The following SLC16A7 variants were observed in gnomAD, a reference collection of about 807,000 sequenced individuals.
The protein encoded by SLC16A7 is solute carrier family 16 member 7.
In SLC16A7, 33 loss-of-function variants were observed where a neutral mutation model predicts 34.9. The ratio of observed to expected loss-of-function variants is 0.94; its 90% CI spans 0.72 to 1.26. The LOEUF (loss-of-function observed/expected upper bound fraction) is 1.26, where lower values mean the gene tolerates loss of function less well. Ranked by LOEUF, SLC16A7 falls within the 50% of genes most tolerant of loss-of-function variation. The pLI, the probability that SLC16A7 is intolerant of heterozygous loss-of-function variation, is 0.00. For missense variants in SLC16A7, 573 were observed against 578.1 expected, an observed-to-expected ratio of 0.99 and a Z score of 0.09; for synonymous variants, 201 against 206.6, an observed-to-expected ratio of 0.97 and a Z score of 0.23.
chr12:59,639,741 T>G (rs1164817840), intron 1 of SLC16A7, among the ~76,000 whole-genome samples: 1 of 152,080 alleles, frequency 6.6e-6, no homozygotes, highest in South Asian at 2.1e-4. Flanking sequence ...TATATGATAA[T>G]TTTTCCCTTG....
intron 2 of SLC16A7, among the ~76,000 whole-genome samples, chr12:59,685,958 A>G (rs1427386822): frequency 6.6e-6 from 1 of 152,090 alleles, no homozygotes; most frequent in Non-Finnish European, 1.5e-5. Flanking sequence ...GTGATTTGAG[A>G]ATATAATAAA....
rs150301271 is a variant in SLC16A7 at position 59,757,403 on chromosome 12, A to T, written c.218-13816A>T. On this transcript the variant is annotated intron_variant, in intron 3 of 5. Transcript: ENST00000547379. ...TGTATCCCAGAACTTTAATAATAAT[A>T]AAAAAAGAAGACAAAGTAGTTCCAG... Among the ~76,000 whole-genome samples, 549 of 152,178 alleles carry T rather than the reference A, an allele frequency of 3.6e-3. 4 individuals carry two copies. The highest frequency in any genetic ancestry group is 0.012 in the African/African-American group (515 of 41,534).
chr12:59,627,458 C>A (rs915569865), intron 1 of SLC16A7, among the ~76,000 whole-genome samples: 1 of 151,518 alleles, frequency 6.6e-6, no homozygotes, highest in East Asian at 1.9e-4. Flanking sequence ...ATTTATTAGT[C>A]TTTTCCTGTC....
chr12:59,694,635 C>A (rs1415685322), intron 2 of SLC16A7, among the ~76,000 whole-genome samples: 1 of 151,918 alleles, frequency 6.6e-6, no homozygotes. Flanking sequence ...ATCTATTCAT[C>A]TTGCATAATT....
intron 4 of SLC16A7, among the ~76,000 whole-genome samples, 199 bp downstream of exon 4, chr12:59,771,561 A>T (rs1436429594): frequency 6.6e-6 from 1 of 152,214 alleles, no homozygotes; most frequent in East Asian, 1.9e-4. Flanking sequence ...AAAATAAAAA[A>T]TTATCAGACA....
intron 3 of SLC16A7, among the ~76,000 whole-genome samples, chr12:59,725,631 A>C (rs950609451): frequency 1.3e-5 from 2 of 152,180 alleles, no homozygotes; most frequent in Non-Finnish European, 2.9e-5. Context: ...TTTGAAAACT[A>C]TGCTAAAGAA....
chr12:59,609,810 A>AT (rs1376608843), intron 1 of SLC16A7, among the ~76,000 whole-genome samples: 1 of 152,126 alleles, frequency 6.6e-6, no homozygotes, highest in Non-Finnish European at 1.5e-5. Context: ...TAAATATATG[A>AT]TTTTTTGGTA....
At chr12:59,756,421 AC>A (rs1450433759) in intron 3 of SLC16A7, among the ~76,000 whole-genome samples, 4 of 151,920 alleles carry the variant, frequency 2.6e-5, no homozygotes, top group Non-Finnish European at 5.9e-5. Context: ...AGAAAAACAA[AC>A]AACCCCATCA....
chr12:59,758,253 C>A (rs1406773526), intron 3 of SLC16A7, among the ~76,000 whole-genome samples: 1 of 151,836 alleles, frequency 6.6e-6, no homozygotes, highest in Non-Finnish European at 1.5e-5. Context: ...GTGTTCTTAC[C>A]ACAGTAAAAT....
intron 1 of SLC16A7, among the ~76,000 whole-genome samples, chr12:59,615,089 C>A (rs920945945): frequency 6.6e-6 from 1 of 152,016 alleles, no homozygotes; most frequent in African/African-American, 2.4e-5. Context: ...TGTCTTCAGC[C>A]ATTTCAGGAC....
chr12:59,597,130 T>G (rs1878452172), intron 1 of SLC16A7: 1 of 152,122 alleles, frequency 6.6e-6, no homozygotes, highest in African/African-American at 2.4e-5. Context: ...GATTGCAGAC[T>G]GCCTTGGAAA....
Position 59,775,104 on chromosome 12 carries a change from CA to C in SLC16A7, c.810del (p.Tyr271MetfsTer30). ...TTTGCCCCCATTATATTCTTGGCTC[CA>C]TATGCTAAAGACCAAGGAATTGATG... The part of the protein sequence containing the change: ...GFFAPIIFLA[P>X]YAKDQGIDEY... On this transcript the variant is annotated frameshift_variant, in exon 5 of 6. Coordinates refer to ENST00000547379, the MANE Select transcript of SLC16A7 (RefSeq NM_001270623.2). LOFTEE classifies it high-confidence loss of function. The C allele has an allele frequency of 6.2e-7, 1 of 1,614,078 alleles. No individual in the cohort carries two copies. The highest frequency in any genetic ancestry group is 8.5e-7 in the Non-Finnish European group (1 of 1,179,996).
At chr12:59,597,903 A>C (rs745839831) in intron 1 of SLC16A7, among the ~76,000 whole-genome samples, 1 of 152,230 alleles carries the variant, frequency 6.6e-6, no homozygotes, top group Admixed American at 6.5e-5. Context: ...AAGTGATCTG[A>C]AATTTTAACA....
chr12:59,646,707 C>T (rs1868254722), intron 1 of SLC16A7, among the ~76,000 whole-genome samples: 1 of 152,130 alleles, frequency 6.6e-6, no homozygotes, highest in Non-Finnish European at 1.5e-5. Context: ...TTGCATTGTG[C>T]ACCTGGAAAA....
intron 5 of SLC16A7, 30 bp from the exon 6 acceptor site, chr12:59,779,393 C>T: frequency 6.6e-7 from 1 of 1,508,718 alleles, no homozygotes; most frequent in Non-Finnish European, 9.0e-7. Flanking sequence ...TTTTATTATG[C>T]CAACTTAAAA....
chr12:59,643,785 A>G (rs2137009194), intron 1 of SLC16A7, among the ~76,000 whole-genome samples: 1 of 152,314 alleles, frequency 6.6e-6, no homozygotes, highest in East Asian at 1.9e-4. Flanking sequence ...CACAGCACAG[A>G]GGGAATTTTG....
At chr12:59,719,347 A>C (rs1166917976) in intron 3 of SLC16A7, among the ~76,000 whole-genome samples, 1 of 152,168 alleles carries the variant, frequency 6.6e-6, no homozygotes, top group Admixed American at 6.6e-5. Flanking sequence ...AAGAGTATGC[A>C]TTATATGAAG....
chr12:59,739,689 A>T (rs1878060149), intron 3 of SLC16A7, among the ~76,000 whole-genome samples: 1 of 152,012 alleles, frequency 6.6e-6, no homozygotes, highest in African/African-American at 2.4e-5. Flanking sequence ...ATTTCTCCAC[A>T]TCCTCTCCAG....
At position 59,787,133 on chromosome 12, in the gene SLC16A7, TTTTTA is replaced by T. The variant is rs746327717; in HGVS notation, c.*7461_*7465del. ...ACATGTCAATATCTCATTAATTCCTTTTTTATTTTATGTTCCTTTTTATTTTAGAA... is the reference window on the plus strand; with the variant it reads ...ACATGTCAATATCTCATTAATTCCTTTTTTATGTTCCTTTTTATTTTAGAA... On this transcript the variant is annotated 3_prime_UTR_variant, in exon 6 of 6. Transcript: ENST00000547379. 9 of 152,308 alleles carry T rather than the reference TTTTTA, an allele frequency of 5.9e-5. No individual in the cohort carries two copies. Among genetic ancestry groups the T allele is most frequent in the South Asian group, 2.1e-4 (1 of 4,832 alleles). 9.4% of individuals were successfully genotyped at this position (152,308 alleles called of 1,614,324 possible).
Sources: gnomAD v4.1 joint callset for allele counts (sites outside exome capture counted in the v4.1 genomes callset) on GRCh38, gnomAD v4.1.1 for gene constraint, MANE v1.5 for transcripts, NCBI Gene and HGNC (gene_info 2026-07-23, HGNC 2026-07-21) for gene names.